The following GPC5 variants were observed in gnomAD, a reference collection of about 807,000 sequenced individuals.
GPC5 encodes the protein glypican 5, also known as glypican-5.
In GPC5, 47 loss-of-function variants were observed where a neutral mutation model predicts 53.9. That is an observed-to-expected ratio of 0.87 (90% CI 0.69 to 1.11). The LOEUF (loss-of-function observed/expected upper bound fraction) is 1.11. GPC5 is among the 50% of genes most tolerant of loss of function. GPC5 has a pLI of 0.00. For missense variants in GPC5, 748 were observed against 713.1 expected, an observed-to-expected ratio of 1.05 and a Z score of -0.56; for synonymous variants, 286 against 263.3, an observed-to-expected ratio of 1.09 and a Z score of -0.84.
intron 6 of GPC5, among the ~76,000 whole-genome samples, chr13:92,053,704 T>C (rs1453641460): frequency 6.6e-6 from 1 of 152,038 alleles, no homozygotes; most frequent in Non-Finnish European, 1.5e-5. Flanking sequence ...GTATATTACT[T>C]TGATATGTGT....
intron 7 of GPC5, among the ~76,000 whole-genome samples, chr13:92,751,303 T>TAAAAAAAAAAAAAAAAAAA (rs71123435): frequency 2.6e-5 from 1 of 38,774 alleles, no homozygotes; most frequent in Non-Finnish European, 5.3e-5. Context: ...CAGAAACATT[T>TAAAAAAAAAAAAAAAAAAA]AAAAAAAAAA....
intron 4 of GPC5, among the ~76,000 whole-genome samples, chr13:91,755,834 A>G (rs2037277889): frequency 6.6e-6 from 1 of 152,106 alleles, no homozygotes; most frequent in African/African-American, 2.4e-5. Flanking sequence ...TCAGTAAGCA[A>G]TCACTTGGCA....
chr13:92,618,915 A>T (rs1283347756), intron 7 of GPC5, among the ~76,000 whole-genome samples: 6 of 152,114 alleles, frequency 3.9e-5, no homozygotes, highest in Non-Finnish European at 8.8e-5. Context: ...TGAAGAATTT[A>T]TTAAGTTAAC....
chr13:92,752,664 T>C (rs1189059473), intron 7 of GPC5, among the ~76,000 whole-genome samples: 1 of 152,066 alleles, frequency 6.6e-6, no homozygotes, highest in East Asian at 1.9e-4. Context: ...GGGTGAGGCA[T>C]TGCCTCATTC....
At chr13:91,612,648 A>G (rs1594330877) in intron 2 of GPC5, among the ~76,000 whole-genome samples, 1 of 152,212 alleles carries the variant, frequency 6.6e-6, no homozygotes, top group East Asian at 1.9e-4. Context: ...AGAGTTATGA[A>G]CACAACCACT....
At chr13:92,708,830 T>C (rs2139265183) in intron 7 of GPC5, among the ~76,000 whole-genome samples, 1 of 144,894 alleles carries the variant, frequency 6.9e-6, no homozygotes, top group African/African-American at 2.5e-5. Context: ...TACATGTGCC[T>C]ACTAGCAGCA....
chr13:92,008,211 C>G (rs549910266), intron 6 of GPC5, among the ~76,000 whole-genome samples: 1 of 152,006 alleles, frequency 6.6e-6, no homozygotes, highest in East Asian at 1.9e-4. Flanking sequence ...TACAGGCGCC[C>G]GCTACCACGC....
chr13:92,444,706 C>T (rs1380843389), intron 7 of GPC5, among the ~76,000 whole-genome samples: 1 of 108,710 alleles, frequency 9.2e-6, no homozygotes, highest in Non-Finnish European at 1.7e-5. Flanking sequence ...AGAGTGGATT[C>T]CTGAAATCTA....
chr13:92,490,017 T>G (rs1879702360), intron 7 of GPC5: 1 of 152,756 alleles, frequency 6.5e-6, no homozygotes, highest in Non-Finnish European at 1.5e-5. Flanking sequence ...CATGTGCTTC[T>G]TCCTCTTAGA....
At chr13:91,544,453 T>C (rs2030158029) in intron 2 of GPC5, among the ~76,000 whole-genome samples, 1 of 152,196 alleles carries the variant, frequency 6.6e-6, no homozygotes. Context: ...CTGGTCTTTG[T>C]AGTGTCTAGC....
chr13:92,637,062 T>A (rs1885430777), intron 7 of GPC5, among the ~76,000 whole-genome samples: 1 of 152,014 alleles, frequency 6.6e-6, no homozygotes, highest in Admixed American at 6.6e-5. Flanking sequence ...CATGACCACC[T>A]CCCCACTCTC....
Position 91,399,149 on chromosome 13 carries a change from A to C in GPC5, c.103A>C (p.Lys35Gln). ...CGTGCAGACCTGCGAAGAAGTTCGG[A>C]AACTTTTCCAGTGGCGGCTGCTGGG... ...EGVQTCEEVR[K>Q]LFQWRLLGAV... is the part of the protein sequence containing the mutation. Residue 35 changes from lysine (K) to glutamine (Q), a missense_variant, in exon 1 of 8, where the codon AAA (lysine) becomes CAA (glutamine). By Grantham distance (53) the Lys-to-Gln change is moderately conservative. Coordinates refer to ENST00000377067, the MANE Select transcript of GPC5 (RefSeq NM_004466.6). The C allele has an allele frequency of 6.2e-7, 1 of 1,613,594 alleles. No homozygotes were observed. The highest frequency in any genetic ancestry group is 1.7e-5 in the Admixed American group (1 of 60,006).
intron 7 of GPC5, among the ~76,000 whole-genome samples, chr13:92,740,452 T>G (rs1889053311): frequency 6.6e-6 from 1 of 152,132 alleles, no homozygotes. Context: ...TCTTAGCTAC[T>G]GTCCAATTGT....
chr13:91,641,342 A>T lies in GPC5; in HGVS notation c.326-51845A>T, dbSNP rs567674499. Among the ~76,000 whole-genome samples, 13 of 152,152 alleles carry T rather than the reference A, an allele frequency of 8.5e-5. No individual in the cohort carries two copies. In the East Asian group the frequency reaches 1.2e-3, roughly 14 times the overall value. On this transcript the variant is annotated intron_variant, in intron 2 of 7. Coordinates refer to ENST00000377067, the MANE Select transcript of GPC5 (RefSeq NM_004466.6). ...GACTCCGTCTCAAAAACAAATCAAA[A>T]CAAAACAAAACAAACAAACCAAAAA...
chr13:91,858,019 A>G (rs1230771301), intron 5 of GPC5, among the ~76,000 whole-genome samples: 2 of 151,606 alleles, frequency 1.3e-5, no homozygotes, highest in East Asian at 3.8e-4. Flanking sequence ...TATTTGCAAT[A>G]TATATTTTTA....
intron 7 of GPC5, among the ~76,000 whole-genome samples, chr13:92,162,653 A>G (rs2041998249): frequency 6.6e-6 from 1 of 152,242 alleles, no homozygotes; most frequent in African/African-American, 2.4e-5. Flanking sequence ...ATGAAATTCC[A>G]GAATGTTGTT....
intron 1 of GPC5, among the ~76,000 whole-genome samples, chr13:91,410,207 T>C (rs1416614148): frequency 6.6e-6 from 1 of 152,202 alleles, no homozygotes; most frequent in Non-Finnish European, 1.5e-5. Context: ...GGAAGGCGGT[T>C]TGTAAACAGT....
At chr13:92,286,271 C>G (rs1447555561) in intron 7 of GPC5, among the ~76,000 whole-genome samples, 4 of 152,164 alleles carry the variant, frequency 2.6e-5, no homozygotes, top group Non-Finnish European at 5.9e-5. Context: ...AATAGGAACA[C>G]TTTTACACTG....
At chr13:91,433,474 G>A (rs956085949) in intron 1 of GPC5, among the ~76,000 whole-genome samples, 3 of 151,294 alleles carry the variant, frequency 2.0e-5, no homozygotes, top group East Asian at 1.9e-4. Context: ...CCTCGTGATA[G>A]TTTGCTGAGA....
Sources: allele counts gnomAD v4.1 joint callset (sites outside exome capture counted in the v4.1 genomes callset), GRCh38; gene constraint gnomAD v4.1.1; transcripts MANE v1.5; gene names NCBI Gene and HGNC (gene_info 2026-07-23, HGNC 2026-07-21).